The following RNFT2 variants were observed in gnomAD, a reference collection of about 807,000 sequenced individuals.
RNFT2 encodes E3 ubiquitin-protein ligase RNFT2.
In RNFT2, 36 loss-of-function variants were observed where a neutral mutation model predicts 53.0. That is an observed-to-expected ratio of 0.68 (90% CI 0.52 to 0.90). The LOEUF (loss-of-function observed/expected upper bound fraction) is 0.90. Ranked by LOEUF, RNFT2 falls within the 40% of genes least tolerant of loss-of-function variation. The pLI is 0.00. For synonymous variants in RNFT2, 260 were observed against 253.2 expected (o/e 1.03, Z -0.26); for missense variants, 514 against 585.6 (o/e 0.88, Z 1.26).
chr12:116,756,614 A>C (rs955720476), intron 5 of RNFT2, among the ~76,000 whole-genome samples: 1 of 152,178 alleles, frequency 6.6e-6, no homozygotes, highest in Admixed American at 6.5e-5. Flanking sequence ...AATTCTGTTT[A>C]CGTGGTGTAT....
At chr12:116,741,156 C>G in intron 3 of RNFT2, 62 bp downstream of exon 3, 1 of 1,359,224 alleles carries the variant, frequency 7.4e-7, no homozygotes, top group Non-Finnish European at 1.0e-6. Context: ...AGGGGCAACC[C>G]AAAACTGGAT....
chr12:116,792,262 C>G (rs11068189), intron 7 of RNFT2, among the ~76,000 whole-genome samples: 13,546 of 152,134 alleles, frequency 0.089, 1,686 homozygotes, highest in African/African-American at 0.28. Flanking sequence ...GTTGGCCAGG[C>G]TGGTCTTGAA....
intron 5 of RNFT2, among the ~76,000 whole-genome samples, chr12:116,761,161 C>A (rs529444853): frequency 5.3e-4 from 80 of 151,648 alleles, no homozygotes; most frequent in African/African-American, 1.8e-3. Context: ...TTGTTTTTTT[C>A]TTTTTGAGAC....
chr12:116,793,543 C>T (rs1874352184), intron 7 of RNFT2, among the ~76,000 whole-genome samples: 1 of 152,136 alleles, frequency 6.6e-6, no homozygotes, highest in African/African-American at 2.4e-5. Context: ...GGCTCCTACT[C>T]CACCTCTCCG....
chr12:116,835,142 A>C (rs1013640473), intron 8 of RNFT2, among the ~76,000 whole-genome samples: 2 of 152,004 alleles, frequency 1.3e-5, no homozygotes, highest in Non-Finnish European at 2.9e-5. Flanking sequence ...GAGCCACCCC[A>C]CCTGGCCCCC....
intron 7 of RNFT2, among the ~76,000 whole-genome samples, chr12:116,830,680 T>C (rs773037369): frequency 6.6e-6 from 1 of 152,008 alleles, no homozygotes; most frequent in African/African-American, 2.4e-5. Flanking sequence ...TGAAGTGAAG[T>C]AGGTGGATCA....
At chr12:116,784,325 C>T (rs1334755334) in intron 7 of RNFT2, among the ~76,000 whole-genome samples, 1 of 152,220 alleles carries the variant, frequency 6.6e-6, no homozygotes, top group East Asian at 1.9e-4. Context: ...TACAATTCCC[C>T]AGTTCAGCTC....
intron 7 of RNFT2, among the ~76,000 whole-genome samples, chr12:116,785,275 G>GTGTGT (rs1555261550): frequency 7.2e-6 from 1 of 138,118 alleles, no homozygotes; most frequent in African/African-American, 3.2e-5. Flanking sequence ...GTGTGTGTGT[G>GTGTGT]GCGGGGGGGG....
chr12:116,835,708 G>A (rs1037766187), intron 8 of RNFT2, among the ~76,000 whole-genome samples: 9 of 152,210 alleles, frequency 5.9e-5, no homozygotes, highest in Non-Finnish European at 4.4e-5. Context: ...GGCTTGGGAA[G>A]GGAAATAGGC....
chr12:116,755,162 T>C (rs1453571149), intron 5 of RNFT2, among the ~76,000 whole-genome samples: 1 of 152,208 alleles, frequency 6.6e-6, no homozygotes, highest in Non-Finnish European at 1.5e-5. Flanking sequence ...TTGATTTTTG[T>C]ATAAGGTGAG....
intron 10 of RNFT2, 41 bp from the exon 11 acceptor site, chr12:116,849,273 C>A: frequency 6.8e-7 from 1 of 1,472,078 alleles, no homozygotes; most frequent in African/African-American, 1.4e-5. Flanking sequence ...GGCAGACGCT[C>A]AGTAAAGAGT....
chr12:116,798,409 T>C (rs1312259824), intron 7 of RNFT2, among the ~76,000 whole-genome samples: 3 of 152,194 alleles, frequency 2.0e-5, no homozygotes, highest in African/African-American at 4.8e-5. Flanking sequence ...GTTAAATGCA[T>C]GGACCCTGGA....
At chr12:116,841,934 TAAATATATATATAAATATATATATAG>T (rs1565876233) in intron 10 of RNFT2, among the ~76,000 whole-genome samples, 15 of 33,010 alleles carry the variant, frequency 4.5e-4, no homozygotes, top group African/African-American at 3.5e-3. Flanking sequence ...TATATATATA[TAAATATATATATAAATATATATATAG>T]AGAGAGAGAG....
Position 116,853,011 on chromosome 12 carries a change from G to A in RNFT2, c.*3563G>A. On this transcript the variant is annotated 3_prime_UTR_variant, in exon 11 of 11. Transcript: ENST00000257575. ...GTGGGGGACACACAGGGGCAGATGGGATGGTTTAGTTTAGGATTTTATTAG... is the reference window on the plus strand; with the variant it reads ...GTGGGGGACACACAGGGGCAGATGGAATGGTTTAGTTTAGGATTTTATTAG... 1 of 478,036 alleles carries A rather than the reference G, an allele frequency of 2.1e-6. No homozygotes were observed. The highest frequency in any genetic ancestry group is 3.6e-6 in the Non-Finnish European group (1 of 274,356). The allele number at this position is 478,036 out of a possible 1,614,324, so 29.6% of individuals were successfully genotyped here. A position where few individuals can be genotyped will look rare whatever the true frequency, so the allele number is the denominator to read the frequency against.
intron 5 of RNFT2, among the ~76,000 whole-genome samples, chr12:116,761,427 C>T (rs1366297537): frequency 6.6e-6 from 1 of 152,208 alleles, no homozygotes; most frequent in Non-Finnish European, 1.5e-5. Flanking sequence ...GGTTTACAGG[C>T]GTGAGCCACC....
intron 6 of RNFT2, 97 bp downstream of exon 6, chr12:116,767,011 A>G: frequency 1.3e-6 from 1 of 785,078 alleles, no homozygotes; most frequent in Non-Finnish European, 2.1e-6. Context: ...CACAAGCTCT[A>G]TGTCATGTTG....
At chr12:116,842,165 C>T (rs1290852236) in intron 10 of RNFT2, among the ~76,000 whole-genome samples, 2 of 151,276 alleles carry the variant, frequency 1.3e-5, no homozygotes, top group Non-Finnish European at 2.9e-5. Flanking sequence ...AATTGGAGGC[C>T]TCAGTTCCTC....
chr12:116,830,805 G>A (rs1408749964), intron 7 of RNFT2, among the ~76,000 whole-genome samples: 2 of 151,836 alleles, frequency 1.3e-5, no homozygotes, highest in Non-Finnish European at 2.9e-5. Flanking sequence ...TTGAGAGCCT[G>A]AGACAGGAGA....
In RNFT2 at chr12:116,833,895, G is replaced by C; in HGVS notation, c.986G>C (p.Ser329Thr). 6.2e-7 allele frequency: 1 copy of C among 1,613,044 alleles called. No individual in the cohort carries two copies. The highest frequency in any genetic ancestry group is 1.1e-5 in the South Asian group (1 of 90,868). The change falls in exon 8 of 11, where the codon AGC becomes ACC. Residue 329 changes from serine to threonine, a missense_variant. Around this residue, in one of 3 missense-constraint regions of RNFT2, gnomAD observed 273 missense variants for 334.4 expected, o/e 0.82. Coordinates refer to ENST00000257575, the MANE Select transcript of RNFT2 (RefSeq NM_001382266.1). Reference protein sequence around the residue: ...KYIMGDDSSNSYFLGGVLIVL... With the variant: ...KYIMGDDSSNTYFLGGVLIVL... ...ATCATGGGTGACGACTCCTCCAACA[G>C]CTACTTCCTGGGCGGGGTCCTGATC... is the stretch of plus-strand genomic sequence containing the variant.
Sources: allele counts gnomAD v4.1 joint callset (sites outside exome capture counted in the v4.1 genomes callset), GRCh38; gene constraint gnomAD v4.1.1; regional missense constraint gnomAD v4.1.1; transcripts MANE v1.5; gene names NCBI Gene and HGNC (gene_info 2026-07-23, HGNC 2026-07-21).